Variants in DPYD observed in about 807,000 individuals in gnomAD.
DPYD encodes dihydropyrimidine dehydrogenase, also known as dihydropyrimidine dehydrogenase [NADP(+)].
A neutral mutation model predicts 116.2 loss-of-function variants in DPYD; 109 were observed. The observed-to-expected ratio is 0.94, with a 90% CI of 0.80 to 1.10. DPYD has a LOEUF of 1.10. DPYD is among the 50% of genes least tolerant of loss of function. The pLI is 0.00. For synonymous variants in DPYD, 440 were observed against 432.0 expected (o/e 1.02, Z -0.23); for missense variants, 1,302 against 1,254.5 (o/e 1.04, Z -0.57).
intron 21 of DPYD, among the ~76,000 whole-genome samples, chr1:97,089,189 C>T (rs757288650): frequency 2.6e-5 from 4 of 152,132 alleles, no homozygotes; most frequent in African/African-American, 9.7e-5. Context: ...CATTCATTTT[C>T]CTACGCAGAA....
chr1:97,134,022 T>TATAC (rs1653586034), intron 20 of DPYD, among the ~76,000 whole-genome samples: 1 of 11,676 alleles, frequency 8.6e-5, no homozygotes, highest in Non-Finnish European at 1.5e-4. Flanking sequence ...AAAATATATA[T>TATAC]ATATATATAT....
chr1:97,721,300 A>G (rs942576230), intron 5 of DPYD, among the ~76,000 whole-genome samples: 3 of 151,694 alleles, frequency 2.0e-5, no homozygotes, highest in Non-Finnish European at 4.4e-5. Flanking sequence ...ACCTGCTGGG[A>G]TTGCAACTAA....
At chr1:97,473,877 T>C (rs541732393) in intron 13 of DPYD, among the ~76,000 whole-genome samples, 1 of 151,332 alleles carries the variant, frequency 6.6e-6, no homozygotes, top group East Asian at 1.9e-4. Flanking sequence ...CTGGGCATGG[T>C]GGAATATGCC....
chr1:97,820,125 C>A (rs1668845064), intron 3 of DPYD, among the ~76,000 whole-genome samples: 1 of 152,058 alleles, frequency 6.6e-6, no homozygotes, highest in Non-Finnish European at 1.5e-5. Flanking sequence ...GTAATTCAAC[C>A]ATTATATTTA....
intron 6 of DPYD, 133 bp downstream of exon 6, chr1:97,699,218 C>T (rs1661459305): frequency 1.0e-6 from 1 of 995,468 alleles, no homozygotes; most frequent in Non-Finnish European, 1.5e-6. Flanking sequence ...AAAACTTGAA[C>T]ATTTGGAAAA....
At chr1:97,523,809 CCTT>C (rs1468125955) in intron 12 of DPYD, among the ~76,000 whole-genome samples, 4 of 152,036 alleles carry the variant, frequency 2.6e-5, no homozygotes, top group Admixed American at 6.6e-5. Flanking sequence ...TAAAAATCCT[CCTT>C]ATGTGTAAAA....
Position 97,268,541 on chromosome 1 carries a change from A to G in DPYD, c.2300-33547T>C, listed in dbSNP as rs1427914810. ...CATGGCCCCAGAGCTCCTGTATTCTATATTCTTGAAGAATTAGCACTATGT... is the reference window on the plus strand; with the variant it reads ...CATGGCCCCAGAGCTCCTGTATTCTGTATTCTTGAAGAATTAGCACTATGT... On this transcript the variant is annotated intron_variant, in intron 18 of 22. Transcript: ENST00000370192. Among the ~76,000 whole-genome samples the G allele has an allele frequency of 2.6e-5, 4 of 152,018 alleles. No homozygotes were observed. In the East Asian group the frequency reaches 7.7e-4, roughly 29 times the overall value.
intron 2 of DPYD, among the ~76,000 whole-genome samples, chr1:97,828,551 T>C (rs1406444379): frequency 6.6e-6 from 1 of 151,950 alleles, no homozygotes; most frequent in African/African-American, 2.4e-5. Context: ...GTATAGAAAA[T>C]CCAATTTAAA....
chr1:97,725,279 T>C (rs1663185534), intron 4 of DPYD, among the ~76,000 whole-genome samples: 1 of 151,576 alleles, frequency 6.6e-6, no homozygotes, highest in Admixed American at 6.6e-5. Flanking sequence ...CTCTGAAAAC[T>C]ATAGAAAACT....
intron 19 of DPYD, among the ~76,000 whole-genome samples, chr1:97,216,290 ATTT>A: frequency 3.1e-5 from 2 of 63,842 alleles, no homozygotes; most frequent in East Asian, 0.015. Flanking sequence ...AAGCTTTCGA[ATTT>A]TTTTTTTATT....
intron 20 of DPYD, among the ~76,000 whole-genome samples, chr1:97,134,317 T>C (rs983502992): frequency 2.6e-5 from 4 of 151,990 alleles, no homozygotes; most frequent in African/African-American, 7.2e-5. Flanking sequence ...TGCTTTCCTC[T>C]GAAAAATGAT....
intron 3 of DPYD, among the ~76,000 whole-genome samples, chr1:97,823,011 T>C (rs1669038790): frequency 6.6e-6 from 1 of 152,230 alleles, no homozygotes. Context: ...AGTTTGTTTT[T>C]AATTGGCACA....
rs781163260 is a variant in DPYD, at chr1:97,740,492, A to G, written c.234-13T>C. On this transcript the variant is annotated splice_polypyrimidine_tract_variant and intron_variant, in intron 3 of 22. Coordinates refer to ENST00000370192, the MANE Select transcript of DPYD (RefSeq NM_000110.4). ...ACATTTCAGGCATCTAGGAAATAAAATAACTATGTTAAGAAACTACAAGAT... is the reference window on the plus strand; with the variant it reads ...ACATTTCAGGCATCTAGGAAATAAAGTAACTATGTTAAGAAACTACAAGAT... The G allele has an allele frequency of 1.2e-6, 2 of 1,606,646 alleles. No individual in the cohort carries two copies. Among genetic ancestry groups the G allele is most frequent in the Non-Finnish European group, 8.5e-7 (1 of 1,174,272 alleles).
At position 97,315,576 on chromosome 1, in the gene DPYD, T is replaced by C. The variant is rs112738517; in HGVS notation, c.2059-9279A>G. ...TCAACTGACACAACAGTTCTCTACTTGTATGAAGAATTCTCCCTGTAAGAG... is the reference window on the plus strand; with the variant it reads ...TCAACTGACACAACAGTTCTCTACTCGTATGAAGAATTCTCCCTGTAAGAG... On this transcript the variant is annotated intron_variant, in intron 16 of 22. Transcript: ENST00000370192. Among the ~76,000 whole-genome samples, 829 of 152,064 alleles carry C rather than the reference T, an allele frequency of 5.5e-3. 7 individuals are homozygous for C. The highest frequency in any genetic ancestry group is 7.2e-3 in the Non-Finnish European group (489 of 67,938).
intron 18 of DPYD, among the ~76,000 whole-genome samples, chr1:97,266,312 A>G (rs747427089): frequency 6.6e-5 from 10 of 152,216 alleles, no homozygotes; most frequent in Non-Finnish European, 1.0e-4. Context: ...ATTAGTGTTC[A>G]GAATGCTCAT....
At chr1:97,300,249 C>CT (rs1427724502) in intron 18 of DPYD, among the ~76,000 whole-genome samples, 4 of 151,992 alleles carry the variant, frequency 2.6e-5, no homozygotes, top group Non-Finnish European at 5.9e-5. Flanking sequence ...TTTAATTATT[C>CT]TTTTTGCATG....
At chr1:97,401,393 A>C (rs1673370978) in intron 14 of DPYD, among the ~76,000 whole-genome samples, 1 of 152,044 alleles carries the variant, frequency 6.6e-6, no homozygotes, top group Non-Finnish European at 1.5e-5. Flanking sequence ...TGCTCACTGC[A>C]ACCTCCGCCT....
intron 20 of DPYD, among the ~76,000 whole-genome samples, chr1:97,151,527 T>G (rs1366156897): frequency 1.3e-5 from 2 of 151,818 alleles, no homozygotes; most frequent in African/African-American, 4.8e-5. Flanking sequence ...ATACAAAAAT[T>G]AGCCAGGCAT....
At chr1:97,148,128 A>G (rs562498602) in intron 20 of DPYD, among the ~76,000 whole-genome samples, 1 of 152,180 alleles carries the variant, frequency 6.6e-6, no homozygotes, top group South Asian at 2.1e-4. Context: ...TGGAGCCTTA[A>G]GCTGTCATGC....
Sources: allele counts gnomAD v4.1 joint callset (sites outside exome capture counted in the v4.1 genomes callset), GRCh38; gene constraint gnomAD v4.1.1; transcripts MANE v1.5; gene names NCBI Gene and HGNC (gene_info 2026-07-23, HGNC 2026-07-21).